Variants in FLNC observed in about 807,000 individuals in gnomAD.
The protein encoded by FLNC is filamin C.
Under a neutral mutation model 254.3 loss-of-function variants are expected in FLNC, and 91 were observed. The observed-to-expected ratio is 0.36, with a 90% CI of 0.30 to 0.43. The LOEUF is 0.43. FLNC is among the 20% of genes least tolerant of loss of function. The pLI is 1.00. For missense variants in FLNC, 2,853 were observed against 3,802.6 expected, an observed-to-expected ratio of 0.75 and a Z score of 6.57; for synonymous variants, 1,430 against 1,577.2, an observed-to-expected ratio of 0.91 and a Z score of 2.21.
chr7:128,835,198 C>T lies in FLNC; in HGVS notation c.353-128C>T. 1 of 1,246,024 alleles carries T rather than the reference C, an allele frequency of 8.0e-7. No homozygotes were observed. Among genetic ancestry groups the T allele is most frequent in the Non-Finnish European group, 1.2e-6 (1 of 865,902 alleles). 77.2% of individuals were successfully genotyped at this position (1,246,024 alleles called of 1,614,324 possible). ...TGGGGCCTCGCAGGAGGGAGAGGGT[C>T]AGGTAGGCAGAGACTAGAGGCCTGA... On this transcript the variant is annotated intron_variant, in intron 1 of 47. Coordinates refer to ENST00000325888, the MANE Select transcript of FLNC (RefSeq NM_001458.5). This position sits in a 1 kb window ranked among gnomAD's most constrained non-coding sequence, Gnocchi z 5.3.
intron 30 of FLNC, 42 bp downstream of exon 30, chr7:128,849,620 G>T: frequency 6.2e-7 from 1 of 1,607,466 alleles, no homozygotes; most frequent in Non-Finnish European, 8.5e-7. Context: ...GCTGGGGAGG[G>T]GGGCCTGGCC....
At position 128,835,482 on chromosome 7, in the gene FLNC, A is replaced by G; in HGVS notation, c.509A>G (p.Gln170Arg). 1 of 1,613,860 alleles carries G rather than the reference A, an allele frequency of 6.2e-7. No individual in the cohort carries two copies. The highest frequency in any genetic ancestry group is 2.2e-5 in the East Asian group (1 of 44,880). ...AAGCAGCGGCTGCTTGGCTGGATCC[A>G]GAACAAGGTGCCCCAGCTGCCCATC... ...TPKQRLLGWI[Q>R]NKVPQLPITN... The change falls in exon 2 of 48, where the codon CAG (glutamine) becomes CGG (arginine). Residue 170 changes from glutamine to arginine, a missense_variant. Physicochemically the swap from Gln to Arg is conservative, Grantham distance 43 (BLOSUM62 1). Transcript: ENST00000325888. The surrounding 1 kb of genome is among the most constrained non-coding windows in gnomAD (Gnocchi z 5.3).
chr7:128,855,380 C>G, intron 43 of FLNC, 66 bp downstream of exon 43: 3 of 1,031,964 alleles, frequency 2.9e-6, no homozygotes, highest in Non-Finnish European at 3.0e-6. Context: ...TTGAGGACAG[C>G]AGGTCCATGG....
At chr7:128,837,136 C>A in intron 2 of FLNC, 24 bp from the exon 3 acceptor site, 4 of 1,534,240 alleles carry the variant, frequency 2.6e-6, no homozygotes, top group Admixed American at 1.8e-5. Context: ...CCCTCACCAT[C>A]GTCTCCCTCC....
In FLNC at chr7:128,837,891, A is replaced by G; in HGVS notation, c.970-96A>G. On this transcript the variant is annotated intron_variant, in intron 5 of 47. Transcript: ENST00000325888. ...TGTGCAGTCTGGGGAAGGTGTCACC[A>G]TGGGGGCTGAGTGGGGCTGGGGTGC... is the stretch of plus-strand genomic sequence containing the variant. The G allele has an allele frequency of 2.9e-6, 4 of 1,388,278 alleles. 1 individual carries two copies. The South Asian group carries it at 3.5e-5, about 12-fold the overall frequency. 86.0% of individuals were successfully genotyped at this position (1,388,278 alleles called of 1,614,324 possible). A position where few individuals can be genotyped will look rare whatever the true frequency, so the allele number is the denominator to read the frequency against.
rs369457426 is a variant in FLNC at position 128,850,811 on chromosome 7, C to A, written c.5407C>A (p.Arg1803=). 2.5e-6 allele frequency: 4 copies of A among 1,613,548 alleles called. No individual in the cohort carries two copies. The highest frequency in any genetic ancestry group is 8.5e-7 in the Non-Finnish European group (1 of 1,179,986). The part of the protein sequence containing the change: ...VQKGELTGEV[R]MPSGKTARPN... ...CTGTGTCTGCCCTGCAGGAGAGGTG[C>A]GGATGCCCTCGGGGAAGACGGCACG... Residue 1803 remains arginine (R), a synonymous_variant, in exon 33 of 48, where the codon CGG becomes AGG. Transcript: ENST00000325888.
chr7:128,838,398 C>G lies in FLNC; in HGVS notation c.1179C>G (p.Asn393Lys), dbSNP rs547934558. Residue 393 changes from asparagine (N) to lysine (K), a missense_variant, in exon 7 of 48, where the codon AAC (asparagine) becomes AAG (lysine). Coordinates refer to ENST00000325888, the MANE Select transcript of FLNC (RefSeq NM_001458.5). ...PGLEPVGNVA[N>K]KPTYFDIYTA... ...TGGAACCTGTGGGCAATGTGGCCAA[C>G]AAACCCACCTACTTTGACATCTACA... 3 of 1,612,078 alleles carry G rather than the reference C, an allele frequency of 1.9e-6. No individual in the cohort carries two copies. Among genetic ancestry groups the G allele is most frequent in the South Asian group, 1.1e-5 (1 of 90,958 alleles).
In FLNC at chr7:128,840,146, C is replaced by T. The variant is rs775538827; in HGVS notation, c.1535C>T (p.Thr512Met). The T allele has an allele frequency of 4.1e-5, 66 of 1,613,770 alleles. No individual in the cohort carries two copies. In the Admixed American group the frequency reaches 8.7e-4, roughly 21 times the overall value. ...GCCGGCAGCGGGGAGCTCAAGGTCA[C>T]GGTCAAGGGGCCAAGTGAGTGCCAG... is the stretch of plus-strand genomic sequence containing the variant. ...KGAGSGELKV[T>M]VKGPKGTEEP... Residue 512 changes from threonine (T) to methionine (M), a missense_variant, in exon 9 of 48, where the codon ACG (threonine) becomes ATG (methionine). By Grantham distance (81) the Thr-to-Met change is moderately conservative. Coordinates refer to ENST00000325888, the MANE Select transcript of FLNC (RefSeq NM_001458.5).
chr7:128,846,437 G>C lies in FLNC; in HGVS notation c.4101G>C (p.Lys1367Asn). The C allele has an allele frequency of 6.2e-7, 1 of 1,603,914 alleles. No individual in the cohort carries two copies. The highest frequency in any genetic ancestry group is 1.1e-5 in the South Asian group (1 of 91,078). The part of the protein sequence containing the change: ...GPGLEGGLVN[K>N]ANRFTVETRG... ...GCCTGGAGGGTGGCTTGGTCAACAA[G>C]GCCAACCGATTCACTGTGGAGACCA... The change falls in exon 23 of 48, where the codon AAG becomes AAC. Residue 1367 changes from lysine to asparagine, a missense_variant. Coordinates refer to ENST00000325888, the MANE Select transcript of FLNC (RefSeq NM_001458.5).
chr7:128,841,328 A>G lies in FLNC; in HGVS notation c.1972A>G (p.Ile658Val), dbSNP rs1180660465. 3 of 1,613,800 alleles carry G rather than the reference A, an allele frequency of 1.9e-6. No homozygotes were observed. The highest frequency in any genetic ancestry group is 2.5e-6 in the Non-Finnish European group (3 of 1,179,984). ...DIRDSPFIAH[I>V]LPAPPDCFPD... is the part of the protein sequence containing the mutation. Reference sequence around the variant, plus strand: ...CCGAGACTCACCCTTCATTGCCCACATCCTGCCCGCCCCACCTGACTGCTT... The same window carrying G: ...CCGAGACTCACCCTTCATTGCCCACGTCCTGCCCGCCCCACCTGACTGCTT... Residue 658 changes from isoleucine (I) to valine (V), a missense_variant, in exon 12 of 48, where the codon ATC becomes GTC. Ile to Val is a conservative substitution (Grantham distance 29). Transcript: ENST00000325888. This position sits in a 1 kb window ranked among gnomAD's most constrained non-coding sequence, Gnocchi z 4.3.
Position 128,845,126 on chromosome 7 carries a change from C to T in FLNC, c.3661C>T (p.Pro1221Ser). 6.2e-7 allele frequency: 1 copy of T among 1,613,970 alleles called. No individual in the cohort carries two copies. The highest frequency in any genetic ancestry group is 8.5e-7 in the Non-Finnish European group (1 of 1,180,032). The change falls in exon 21 of 48, where the codon CCT (proline) becomes TCT (serine). Residue 1221 changes from proline to serine, a missense_variant. Around this residue, in one of 10 missense-constraint regions of FLNC, gnomAD observed 1,573 missense variants for 1,883.5 expected, o/e 0.84. Transcript: ENST00000325888. ...CCACATCACCTACAGCCCTGCCTTC[C>T]CTGGCACCTACACCATTACCATCAA... ...TYHITYSPAF[P>S]GTYTITIKYG... is the part of the protein sequence containing the mutation.
intron 35 of FLNC, among the ~76,000 whole-genome samples, chr7:128,852,148 G>A (rs969589610): frequency 6.6e-6 from 1 of 152,200 alleles, no homozygotes; most frequent in Non-Finnish European, 1.5e-5. Context: ...ACAGGTGTGA[G>A]CCACCACGCC....
chr7:128,833,765 G>T (rs893903565), intron 1 of FLNC, among the ~76,000 whole-genome samples: 8 of 152,236 alleles, frequency 5.3e-5, no homozygotes, highest in Non-Finnish European at 8.8e-5. Flanking sequence ...GTGTGAAAGT[G>T]TTGGAGCCTG....
Position 128,830,996 on chromosome 7 carries a change from G to A in FLNC, c.352+7G>A. ...ATCAAGCTCGTGTCCATAGGTCAGT[G>A]CCGGGGGCGAGGGCACGGGCGCTGC... On this transcript the variant is annotated splice_region_variant and intron_variant, in intron 1 of 47. Transcript: ENST00000325888. 1.9e-6 allele frequency: 3 copies of A among 1,604,322 alleles called. No individual in the cohort carries two copies. Among genetic ancestry groups the A allele is most frequent in the Non-Finnish European group, 2.5e-6 (3 of 1,179,412 alleles).
At chr7:128,849,906 C>A in intron 30 of FLNC, 70 bp from the exon 31 acceptor site, 1 of 1,112,416 alleles carries the variant, frequency 9.0e-7, no homozygotes, top group Non-Finnish European at 1.3e-6. Flanking sequence ...GGTTCCTGGG[C>A]CATTCTCTGA....
At chr7:128,850,099 G>A in intron 31 of FLNC, 25 bp downstream of exon 31, 3 of 1,476,384 alleles carry the variant, frequency 2.0e-6, no homozygotes, top group Non-Finnish European at 2.7e-6. Flanking sequence ...ACCAGGCGAT[G>A]TCCTCCTCCT....
At chr7:128,831,436 G>A (rs1807887887) in intron 1 of FLNC, among the ~76,000 whole-genome samples, 2 of 152,194 alleles carry the variant, frequency 1.3e-5, no homozygotes, top group Non-Finnish European at 2.9e-5. Flanking sequence ...GGCTGGGAGA[G>A]GGCTGAAGAC....
At position 128,849,970 on chromosome 7, in the gene FLNC, C is replaced by A; in HGVS notation, c.5200-6C>A. 6.3e-7 allele frequency: 1 copy of A among 1,583,434 alleles called. No individual in the cohort carries two copies. On this transcript the variant is annotated splice_polypyrimidine_tract_variant and splice_region_variant and intron_variant, in intron 30 of 47. Coordinates refer to ENST00000325888, the MANE Select transcript of FLNC (RefSeq NM_001458.5). Reference sequence around the variant, plus strand: ...CACCCTGTGCCCCCGTGCCTTGCCTCCCCAGGCGTGTGACCCCCTGCCGCA... The same window carrying A: ...CACCCTGTGCCCCCGTGCCTTGCCTACCCAGGCGTGTGACCCCCTGCCGCA...
rs772127988 is a variant in FLNC at position 128,843,277 on chromosome 7, G to A, written c.2599G>A (p.Ala867Thr). 3.1e-6 allele frequency: 5 copies of A among 1,611,946 alleles called. No homozygotes were observed. The South Asian group carries it at 4.4e-5, about 14-fold the overall frequency. The change falls in exon 17 of 48, where the codon GCC becomes ACC. Residue 867 changes from alanine to threonine, a missense_variant. By Grantham distance (58) the Ala-to-Thr change is moderately conservative. Transcript: ENST00000325888. ...CATCAAGGTGGACCCATCCCACGAT[G>A]CCAGCAAAGTCAAGGCCGAGGGCCC... Reference protein sequence around the residue: ...FHIKVDPSHDASKVKAEGPGL... With the variant: ...FHIKVDPSHDTSKVKAEGPGL...
Sources: allele counts gnomAD v4.1 joint callset (sites outside exome capture counted in the v4.1 genomes callset), GRCh38; gene constraint gnomAD v4.1.1; regional missense constraint gnomAD v4.1.1; non-coding constraint Gnocchi (gnomAD v3.1); transcripts MANE v1.5; gene names NCBI Gene and HGNC (gene_info 2026-07-23, HGNC 2026-07-21).